CSMD3: variants seen among roughly 807,000 people sequenced by gnomAD.
CSMD3 encodes CUB and Sushi multiple domains 3.
In CSMD3, 177 loss-of-function variants were observed where a neutral mutation model predicts 435.2. The observed-to-expected ratio is 0.41, with a 90% CI of 0.36 to 0.46. CSMD3 has a LOEUF of 0.46. Ranked by LOEUF, CSMD3 falls within the 20% of genes least tolerant of loss-of-function variation. The pLI, the probability that CSMD3 is intolerant of heterozygous loss-of-function variation, is 0.34. For missense variants in CSMD3, 4,265 were observed against 4,504.6 expected, an observed-to-expected ratio of 0.95 and a Z score of 1.52; for synonymous variants, 1,656 against 1,520.5, an observed-to-expected ratio of 1.09 and a Z score of -2.07.
intron 27 of CSMD3, among the ~76,000 whole-genome samples, chr8:112,532,502 C>T (rs1305281192): frequency 6.6e-6 from 1 of 152,136 alleles, no homozygotes; most frequent in Admixed American, 6.6e-5. Flanking sequence ...AGCTATGATA[C>T]ATTTGGCAGT....
At chr8:112,896,011 T>C (rs1477139510) in intron 10 of CSMD3, among the ~76,000 whole-genome samples, 1 of 151,538 alleles carries the variant, frequency 6.6e-6, no homozygotes, top group Non-Finnish European at 1.5e-5. Flanking sequence ...CTGTACTGGT[T>C]TTAAACATGT....
At chr8:113,316,044 C>T (rs2093907479) in intron 1 of CSMD3, among the ~76,000 whole-genome samples, 1 of 151,974 alleles carries the variant, frequency 6.6e-6, no homozygotes, top group South Asian at 2.1e-4. Flanking sequence ...TATTCTGTAG[C>T]ATATTGTGTA....
At chr8:113,363,753 T>C (rs2094293174) in intron 1 of CSMD3, among the ~76,000 whole-genome samples, 2 of 152,206 alleles carry the variant, frequency 1.3e-5, no homozygotes, top group African/African-American at 4.8e-5. Context: ...AACTTAATCA[T>C]ATCTACAAAG....
chr8:113,173,807 G>A lies in CSMD3; in HGVS notation c.624C>T (p.Tyr208=), dbSNP rs2131890729. The A allele has an allele frequency of 6.2e-7, 1 of 1,613,740 alleles. No individual in the cohort carries two copies. Among genetic ancestry groups the A allele is most frequent in the South Asian group, 1.1e-5 (1 of 91,080 alleles). ...TGAGCTGAGGGTGGCCATCAAGGAT[G>A]TATCCAGTTACACAGCTGTAGCGGA... ...DKIRYSCVTG[Y]ILDGHPQLTC... The change falls in exon 4 of 71, where the codon TAC becomes TAT. Residue 208 remains tyrosine, a synonymous_variant. Coordinates refer to ENST00000297405, the MANE Select transcript of CSMD3 (RefSeq NM_198123.2).
chr8:113,195,226 CTT>C (rs769586403), intron 3 of CSMD3, among the ~76,000 whole-genome samples: 3 of 129,064 alleles, frequency 2.3e-5, no homozygotes, highest in Admixed American at 8.0e-5. Flanking sequence ...CTATTCCAAG[CTT>C]TTTTTTTTTT....
chr8:112,476,191 A>G (rs1819033832), intron 31 of CSMD3, among the ~76,000 whole-genome samples: 1 of 152,052 alleles, frequency 6.6e-6, no homozygotes, highest in South Asian at 2.1e-4. Context: ...AATTACAGCC[A>G]TGCACTACCA....
chr8:113,083,064 G>A (rs2089629129), intron 5 of CSMD3, among the ~76,000 whole-genome samples: 1 of 152,112 alleles, frequency 6.6e-6, no homozygotes, highest in Non-Finnish European at 1.5e-5. Flanking sequence ...TCTTAGGAGA[G>A]AACTAGACAT....
At chr8:112,681,820 T>C (rs920026022) in intron 16 of CSMD3, among the ~76,000 whole-genome samples, 7 of 152,134 alleles carry the variant, frequency 4.6e-5, no homozygotes, top group Non-Finnish European at 2.9e-5. Flanking sequence ...TGAGTTGAGA[T>C]TGCACCATTG....
intron 23 of CSMD3, among the ~76,000 whole-genome samples, chr8:112,576,546 AT>A (rs1829959014): frequency 6.6e-6 from 1 of 151,534 alleles, no homozygotes; most frequent in Non-Finnish European, 1.5e-5. Flanking sequence ...TTATTTATTC[AT>A]TTTTTTGACA....
chr8:112,901,211 G>C (rs957591461), intron 10 of CSMD3, among the ~76,000 whole-genome samples: 12 of 151,302 alleles, frequency 7.9e-5, no homozygotes, highest in African/African-American at 2.9e-4. Flanking sequence ...ATTAATACTT[G>C]ATAAGGAAAC....
At position 112,292,843 on chromosome 8, in the gene CSMD3, T is replaced by C; in HGVS notation, c.8615-133A>G. 3 of 772,786 alleles carry C rather than the reference T, an allele frequency of 3.9e-6. No homozygotes were observed. In the Admixed American group the frequency reaches 6.1e-5, roughly 16 times the overall value. 47.9% of individuals were successfully genotyped at this position (772,786 alleles called of 1,614,324 possible). A position where few individuals can be genotyped will look rare whatever the true frequency, so the allele number is the denominator to read the frequency against. Reference sequence around the variant, plus strand: ...GAAGACTACTTTTTATCTGGAAATATACGGAAAGTACATTTACTAATGTAG... The same window carrying C: ...GAAGACTACTTTTTATCTGGAAATACACGGAAAGTACATTTACTAATGTAG... On this transcript the variant is annotated intron_variant, in intron 54 of 70. Coordinates refer to ENST00000297405, the MANE Select transcript of CSMD3 (RefSeq NM_198123.2).
intron 3 of CSMD3, among the ~76,000 whole-genome samples, chr8:113,222,446 G>T (rs376213352): frequency 2.0e-5 from 3 of 150,764 alleles, no homozygotes; most frequent in African/African-American, 7.3e-5. Flanking sequence ...GTCATTTCAA[G>T]AAACCAAGTT....
chr8:113,266,843 AC>A (rs1004680388), intron 3 of CSMD3, among the ~76,000 whole-genome samples: 1 of 151,598 alleles, frequency 6.6e-6, no homozygotes, highest in Non-Finnish European at 1.5e-5. Context: ...ATTTGCAAAT[AC>A]TTCATCCAAC....
chr8:112,304,716 C>G lies in CSMD3; in HGVS notation c.8266+5G>C, dbSNP rs775195010. 6.2e-7 allele frequency: 1 copy of G among 1,607,568 alleles called. No homozygotes were observed. The highest frequency in any genetic ancestry group is 8.5e-7 in the Non-Finnish European group (1 of 1,174,098). On this transcript the variant is annotated splice_donor_5th_base_variant and intron_variant, in intron 52 of 70. Coordinates refer to ENST00000297405, the MANE Select transcript of CSMD3 (RefSeq NM_198123.2). ...TGAAATAAGTTTAGCAGAGTGTATA[C>G]TTACTTTGGCAATATGGTCTTTCAT...
intron 3 of CSMD3, among the ~76,000 whole-genome samples, chr8:113,196,448 CT>C (rs1261618989): frequency 6.6e-6 from 1 of 151,110 alleles, no homozygotes; most frequent in Non-Finnish European, 1.5e-5. Context: ...GGACACAAAG[CT>C]TTAAAGACAT....
chr8:112,844,129 A>G (rs2080254241), intron 11 of CSMD3, among the ~76,000 whole-genome samples: 1 of 151,976 alleles, frequency 6.6e-6, no homozygotes, highest in Non-Finnish European at 1.5e-5. Context: ...AAGTGAGAAG[A>G]TACATAAAAA....
chr8:112,846,176 A>G (rs1242179739), intron 11 of CSMD3, among the ~76,000 whole-genome samples: 1 of 147,340 alleles, frequency 6.8e-6, no homozygotes. Context: ...GTAATCTTCT[A>G]TCTAGAGATA....
At chr8:113,203,863 A>C (rs1038520144) in intron 3 of CSMD3, among the ~76,000 whole-genome samples, 2 of 151,968 alleles carry the variant, frequency 1.3e-5, no homozygotes, top group African/African-American at 2.4e-5. Context: ...ACAATGTACT[A>C]TCTCCTCCTC....
intron 6 of CSMD3, among the ~76,000 whole-genome samples, chr8:113,008,710 T>C (rs1204423923): frequency 6.6e-6 from 1 of 151,652 alleles, no homozygotes; most frequent in Non-Finnish European, 1.5e-5. Context: ...TAGTACTATA[T>C]ATTGATACTA....
Sources: allele counts gnomAD v4.1 joint callset (sites outside exome capture counted in the v4.1 genomes callset), GRCh38; gene constraint gnomAD v4.1.1; transcripts MANE v1.5; gene names NCBI Gene and HGNC (gene_info 2026-07-23, HGNC 2026-07-21).